Variants in KLHL29 observed in about 807,000 individuals in gnomAD.
KLHL29 encodes kelch like family member 29.
Under a neutral mutation model 80.4 loss-of-function variants are expected in KLHL29, and 21 were observed. The ratio of observed to expected loss-of-function variants is 0.26; its 90% CI spans 0.19 to 0.38. The LOEUF (loss-of-function observed/expected upper bound fraction) is 0.38, where lower values mean the gene tolerates loss of function less well. KLHL29 is among the 10% of genes least tolerant of loss of function. The probability of loss-of-function intolerance (pLI) is 1.00; values close to 1 mark genes in which losing one functional copy is unlikely to be tolerated. For synonymous variants in KLHL29, 511 were observed against 526.8 expected (o/e 0.97, Z 0.41); for missense variants, 867 against 1,223.9 (o/e 0.71, Z 4.35).
intron 1 of KLHL29, among the ~76,000 whole-genome samples, chr2:23,433,473 G>A (rs1663244499): frequency 6.6e-6 from 1 of 152,218 alleles, no homozygotes; most frequent in Non-Finnish European, 1.5e-5. Flanking sequence ...TGACCTGGCA[G>A]TGCTGTCCAG....
chr2:23,431,901 C>CA (rs11357606), intron 1 of KLHL29, among the ~76,000 whole-genome samples: 1,611 of 67,502 alleles, frequency 0.024, 56 homozygotes, highest in African/African-American at 0.025. Flanking sequence ...GACTCCATCT[C>CA]AAAAAAAAAA....
chr2:23,610,022 T>G (rs1396324448), intron 3 of KLHL29, among the ~76,000 whole-genome samples: 1 of 152,176 alleles, frequency 6.6e-6, no homozygotes, highest in Non-Finnish European at 1.5e-5. Flanking sequence ...GAGTTGCTTT[T>G]GTGACACATA....
At chr2:23,686,092 TGAG>T (rs1368666698) in intron 6 of KLHL29, among the ~76,000 whole-genome samples, 1 of 150,898 alleles carries the variant, frequency 6.6e-6, no homozygotes, top group Non-Finnish European at 1.5e-5. Flanking sequence ...CTTCTTGGGC[TGAG>T]AAGAGGGAGG....
At chr2:23,698,634 C>T (rs902201622) in intron 11 of KLHL29, among the ~76,000 whole-genome samples, 8 of 152,098 alleles carry the variant, frequency 5.3e-5, no homozygotes, top group Admixed American at 1.3e-4. Context: ...AAGACAACAG[C>T]ACAATAGACA....
At position 23,684,595 on chromosome 2, in the gene KLHL29, G is replaced by A. The variant is rs1355079826; in HGVS notation, c.1079+58G>A. The A allele has an allele frequency of 2.6e-5, 37 of 1,440,448 alleles. No homozygotes were observed. The East Asian group carries it at 3.9e-4, about 15-fold the overall frequency. The allele number at this position is 1,440,448 out of a possible 1,614,324, so 89.2% of individuals were successfully genotyped here. Reference sequence around the variant, plus strand: ...TTCCTTTGTAGGACGCTTTTGTGTCGCTTTTCTCTTCCCCTCTCTTGCAGG... The same window carrying A: ...TTCCTTTGTAGGACGCTTTTGTGTCACTTTTCTCTTCCCCTCTCTTGCAGG... On this transcript the variant is annotated intron_variant, in intron 6 of 13. Transcript: ENST00000486442. This position sits in a 1 kb window ranked among gnomAD's most constrained non-coding sequence, Gnocchi z 4.4.
chr2:23,541,422 A>G (rs1666831092), intron 2 of KLHL29, among the ~76,000 whole-genome samples: 3 of 152,166 alleles, frequency 2.0e-5, no homozygotes, highest in Non-Finnish European at 2.9e-5. Context: ...ATGGTCTCAG[A>G]TCTTCTTGAG....
At position 23,532,351 on chromosome 2, in the gene KLHL29, G is replaced by A. The variant is rs1260879025; in HGVS notation, c.-45-29801G>A. Among the ~76,000 whole-genome samples, 3 of 152,324 alleles carry A rather than the reference G, an allele frequency of 2.0e-5. No individual in the cohort carries two copies. In the East Asian group the frequency reaches 5.8e-4, roughly 29 times the overall value. On this transcript the variant is annotated intron_variant, in intron 2 of 13. Transcript: ENST00000486442. Reference sequence around the variant, plus strand: ...AGTACATAGACAACACCGGCTCACTGGCAAGGAGAAAAAGTACTCTGGTTT... The same window carrying A: ...AGTACATAGACAACACCGGCTCACTAGCAAGGAGAAAAAGTACTCTGGTTT...
intron 3 of KLHL29, among the ~76,000 whole-genome samples, chr2:23,601,182 C>T (rs1466290019): frequency 6.6e-6 from 1 of 152,116 alleles, no homozygotes; most frequent in African/African-American, 2.4e-5. Flanking sequence ...TCCAAGACCG[C>T]ACAAAAAGGC....
intron 3 of KLHL29, among the ~76,000 whole-genome samples, chr2:23,573,032 A>G (rs1339104836): frequency 2.7e-5 from 4 of 149,226 alleles, no homozygotes; most frequent in Admixed American, 6.8e-5. Flanking sequence ...GATGATGAAG[A>G]CGTAACCCCG....
At chr2:23,604,191 G>A (rs563756485) in intron 3 of KLHL29, among the ~76,000 whole-genome samples, 6 of 151,300 alleles carry the variant, frequency 4.0e-5, no homozygotes, top group Admixed American at 2.6e-4. Flanking sequence ...TCACTCTTTC[G>A]CCCAGGCTGC....
At chr2:23,652,303 GA>G (rs1670108372) in intron 5 of KLHL29, among the ~76,000 whole-genome samples, 1 of 152,202 alleles carries the variant, frequency 6.6e-6, no homozygotes, top group Non-Finnish European at 1.5e-5. Flanking sequence ...TTCATGCTGG[GA>G]GGGAACCTAC....
chr2:23,581,672 A>G (rs1039306637), intron 3 of KLHL29, among the ~76,000 whole-genome samples: 2 of 151,912 alleles, frequency 1.3e-5, no homozygotes, highest in South Asian at 4.2e-4. Flanking sequence ...CTAAAAATAC[A>G]AAAAAAGTAG....
chr2:23,403,040 G>A (rs1666633411), intron 1 of KLHL29, among the ~76,000 whole-genome samples: 1 of 151,516 alleles, frequency 6.6e-6, no homozygotes, highest in African/African-American at 2.4e-5. Flanking sequence ...ATAATGTCAA[G>A]TATATGAAAA....
At position 23,465,790 on chromosome 2, in the gene KLHL29, C is replaced by T. The variant is rs141290684; in HGVS notation, c.-153-9770C>T. On this transcript the variant is annotated intron_variant, in intron 1 of 13. Transcript: ENST00000486442. ...CCTTCCTCCAGGACCCCGCTTAAGC[C>T]CTGCTGTGAAGTCGTCCTACTCCCT... Among the ~76,000 whole-genome samples, 608 of 152,284 alleles carry T rather than the reference C, an allele frequency of 4.0e-3. 2 individuals are homozygous for T. Among genetic ancestry groups the T allele is most frequent in the Middle Eastern group, 6.8e-3 (2 of 294 alleles).
intron 11 of KLHL29, among the ~76,000 whole-genome samples, chr2:23,701,143 G>A (rs1194717951): frequency 3.3e-5 from 5 of 152,084 alleles, no homozygotes; most frequent in Non-Finnish European, 7.4e-5. Flanking sequence ...CACCAGTAGT[G>A]TCACCATCCA....
intron 3 of KLHL29, among the ~76,000 whole-genome samples, chr2:23,587,691 G>A (rs1278454300): frequency 6.6e-6 from 1 of 152,202 alleles, no homozygotes; most frequent in Non-Finnish European, 1.5e-5. Context: ...CACGGCGTAC[G>A]TGTCACCCAT....
At chr2:23,663,793 C>A (rs551797651) in intron 5 of KLHL29, among the ~76,000 whole-genome samples, 1 of 152,328 alleles carries the variant, frequency 6.6e-6, no homozygotes, top group African/African-American at 2.4e-5. Flanking sequence ...GACTTAAATT[C>A]TTCAGTGTGC....
chr2:23,497,444 G>A (rs192333275), intron 2 of KLHL29, among the ~76,000 whole-genome samples: 3 of 152,230 alleles, frequency 2.0e-5, no homozygotes, highest in African/African-American at 7.2e-5. Flanking sequence ...CTGTTACCCC[G>A]TTTTAGTTGC....
chr2:23,621,912 G>A (rs1332021269), intron 3 of KLHL29, among the ~76,000 whole-genome samples: 1 of 152,178 alleles, frequency 6.6e-6, no homozygotes, highest in Admixed American at 6.5e-5. Context: ...TGAAGGTGGA[G>A]ACACTGGCCA....
Sources: gnomAD v4.1 joint callset for allele counts (sites outside exome capture counted in the v4.1 genomes callset) on GRCh38, gnomAD v4.1.1 for gene constraint, Gnocchi (gnomAD v3.1) non-coding constraint, MANE v1.5 for transcripts, NCBI Gene and HGNC (gene_info 2026-07-23, HGNC 2026-07-21) for gene names.